Variants in SLC44A3 observed in about 807,000 individuals in gnomAD.
SLC44A3 encodes the protein solute carrier family 44 member 3, also known as choline transporter-like protein 3.
In SLC44A3, 74 loss-of-function variants were observed where a neutral mutation model predicts 75.4. The observed-to-expected ratio is 0.98, with a 90% CI of 0.81 to 1.19. SLC44A3 has a LOEUF of 1.19. SLC44A3 is among the 50% of genes most tolerant of loss of function. The probability of loss-of-function intolerance (pLI) is 0.00; values close to 1 mark genes in which losing one functional copy is unlikely to be tolerated. For synonymous variants in SLC44A3, 310 were observed against 296.9 expected, an observed-to-expected ratio of 1.04 and a Z score of -0.45; for missense variants, 700 against 778.6, an observed-to-expected ratio of 0.90 and a Z score of 1.20.
At chr1:94,875,812 C>T (rs538448792) in intron 12 of SLC44A3, among the ~76,000 whole-genome samples, 1 of 152,314 alleles carries the variant, frequency 6.6e-6, no homozygotes, top group South Asian at 2.1e-4. Context: ...TTTCATAAGT[C>T]TGAACTCCAT....
At chr1:94,820,661 G>T in intron 1 of SLC44A3, 183 bp downstream of exon 1, 1 of 1,381,316 alleles carries the variant, frequency 7.2e-7, no homozygotes, top group Non-Finnish European at 9.3e-7. Flanking sequence ...GTGCTGGGGC[G>T]GAGGCGGGGG....
In SLC44A3 at chr1:94,823,107, A is replaced by G. The variant is rs372151724; in HGVS notation, c.136-1386A>G. 3.3e-5 allele frequency among the ~76,000 whole-genome samples: 5 copies of G among 152,288 alleles called. 1 individual carries two copies. The highest frequency in any genetic ancestry group is 1.2e-4 in the African/African-American group (5 of 41,560). On this transcript the variant is annotated intron_variant, in intron 2 of 14. Coordinates refer to ENST00000271227, the MANE Select transcript of SLC44A3 (RefSeq NM_001114106.3). ...CCAGAAAAACTTTCCATTCTTCACC[A>G]CAGGCTTTCCAAAGGAAAGAATGAT... is the stretch of plus-strand genomic sequence containing the variant.
intron 5 of SLC44A3, among the ~76,000 whole-genome samples, chr1:94,833,732 G>T (rs930243748): frequency 6.6e-6 from 1 of 152,006 alleles, no homozygotes; most frequent in African/African-American, 2.4e-5. Flanking sequence ...AGGAAAATGG[G>T]GATGGAGTCA....
intron 9 of SLC44A3, among the ~76,000 whole-genome samples, chr1:94,852,251 G>T (rs1475954468): frequency 1.3e-5 from 2 of 152,154 alleles, no homozygotes; most frequent in African/African-American, 2.4e-5. Flanking sequence ...GTTGATAAGT[G>T]GCATGGAGAA....
intron 12 of SLC44A3, among the ~76,000 whole-genome samples, chr1:94,889,693 C>T (rs2101670469): frequency 2.0e-5 from 3 of 152,304 alleles, no homozygotes; most frequent in Middle Eastern, 6.8e-3. Flanking sequence ...CCCAGCTACA[C>T]ACATGCACGT....
At chr1:94,827,086 T>C (rs577812687) in intron 3 of SLC44A3, among the ~76,000 whole-genome samples, 1 of 152,342 alleles carries the variant, frequency 6.6e-6, no homozygotes, top group African/African-American at 2.4e-5. Flanking sequence ...TTTCCACTTC[T>C]CACTTCCCTG....
At chr1:94,862,568 G>A (rs1158630514) in intron 10 of SLC44A3, among the ~76,000 whole-genome samples, 1 of 152,190 alleles carries the variant, frequency 6.6e-6, no homozygotes, top group Non-Finnish European at 1.5e-5. Flanking sequence ...GTTGTTCTGG[G>A]AGCCAGGCAC....
chr1:94,873,036 C>T (rs1008312932), intron 12 of SLC44A3, among the ~76,000 whole-genome samples: 6 of 152,182 alleles, frequency 3.9e-5, no homozygotes, highest in Admixed American at 3.9e-4. Flanking sequence ...CTACTTACAG[C>T]GATCCTGCCA....
intron 5 of SLC44A3, among the ~76,000 whole-genome samples, chr1:94,834,487 CT>C (rs1662524481): frequency 6.6e-6 from 1 of 151,938 alleles, no homozygotes; most frequent in Admixed American, 6.6e-5. Flanking sequence ...GGGATAAATC[CT>C]TTTTTTCTTT....
chr1:94,820,968 C>G lies in SLC44A3; in HGVS notation c.47C>G (p.Pro16Arg), dbSNP rs1160010875. 1 of 1,551,356 alleles carries G rather than the reference C, an allele frequency of 6.4e-7. No individual in the cohort carries two copies. Reference sequence around the variant, plus strand: ...TGGAAGGTTTCTGCAGAAGGAGCCCCTAGGCAAAGGGAGTGGCGACCCCAG... The same window carrying G: ...TGGAAGGTTTCTGCAGAAGGAGCCCGTAGGCAAAGGGAGTGGCGACCCCAG... ...AEYLVSAEGA[P>R]RQREWRPQIY... Residue 16 changes from proline to arginine, a missense_variant, in exon 2 of 15, where the codon CCT (proline) becomes CGT (arginine). Coordinates refer to ENST00000271227, the MANE Select transcript of SLC44A3 (RefSeq NM_001114106.3).
intron 2 of SLC44A3, among the ~76,000 whole-genome samples, chr1:94,822,905 G>T (rs1660813139): frequency 1.3e-5 from 2 of 152,280 alleles, no homozygotes; most frequent in South Asian, 4.1e-4. Flanking sequence ...AAGGTTTATA[G>T]TAGTAGTTTC....
rs184509625 is a variant in SLC44A3 at position 94,892,026 on chromosome 1, T to G, written c.1621-255T>G. The stretch of plus-strand genomic sequence containing the variant: ...AAAAGCTTGTGAGATATTATTACAT[T>G]TATATAAATACAAAAGCTAGGCACA... On this transcript the variant is annotated intron_variant, in intron 13 of 14. Transcript: ENST00000271227. Among the ~76,000 whole-genome samples the G allele has an allele frequency of 1.2e-3, 189 of 152,330 alleles. 1 individual carries two copies. Among genetic ancestry groups the G allele is most frequent in the Admixed American group, 2.2e-3 (33 of 15,300 alleles).
chr1:94,887,816 G>A (rs113404491), intron 12 of SLC44A3, among the ~76,000 whole-genome samples: 2 of 152,128 alleles, frequency 1.3e-5, no homozygotes, highest in Non-Finnish European at 2.9e-5. Flanking sequence ...GCTGTAAGAC[G>A]ATGCTGGGGG....
intron 12 of SLC44A3, among the ~76,000 whole-genome samples, chr1:94,881,957 T>C (rs1342419221): frequency 2.0e-5 from 3 of 151,526 alleles, no homozygotes; most frequent in Admixed American, 2.0e-4. Flanking sequence ...GAGGTGGAGG[T>C]TGCAGTGAGC....
chr1:94,860,474 A>C (rs2101341628), intron 10 of SLC44A3, among the ~76,000 whole-genome samples: 1 of 152,322 alleles, frequency 6.6e-6, no homozygotes, highest in East Asian at 1.9e-4. Context: ...AAATTAACAA[A>C]GAAAATTTGC....
intron 5 of SLC44A3, among the ~76,000 whole-genome samples, chr1:94,830,848 G>A (rs1326862149): frequency 6.6e-6 from 1 of 152,150 alleles, no homozygotes; most frequent in Non-Finnish European, 1.5e-5. Flanking sequence ...CTTATATCTT[G>A]ATACTTATGA....
Position 94,895,197 on chromosome 1 carries a change from G to A in SLC44A3, c.*275G>A. 1 of 289,576 alleles carries A rather than the reference G, an allele frequency of 3.5e-6. No homozygotes were observed. The highest frequency in any genetic ancestry group is 6.5e-6 in the Non-Finnish European group (1 of 154,186). 17.9% of individuals were successfully genotyped at this position (289,576 alleles called of 1,614,324 possible). On this transcript the variant is annotated 3_prime_UTR_variant, in exon 15 of 15. Coordinates refer to ENST00000271227, the MANE Select transcript of SLC44A3 (RefSeq NM_001114106.3). ...ACAAAGTACACTATGTAAGAACTGA[G>A]GTAAGTTTGTAAGTGCACAACTAAT...
At position 94,870,288 on chromosome 1, in the gene SLC44A3, TGGTGATACAGA is replaced by T. The variant is rs1227870301; in HGVS notation, c.1482+2884_1482+2894del. 6.6e-4 allele frequency among the ~76,000 whole-genome samples: 100 copies of T among 152,346 alleles called. 1 individual carries two copies. Among genetic ancestry groups the T allele is most frequent in the South Asian group, 2.1e-4 (1 of 4,834 alleles). ...CTGGGCATAATAGGGACCAGGACCATGGTGATACAGAGGTGATACAGAGTCATTACTGTATA... is the reference window on the plus strand; with the variant it reads ...CTGGGCATAATAGGGACCAGGACCATGGTGATACAGAGTCATTACTGTATA... On this transcript the variant is annotated intron_variant, in intron 12 of 14. Transcript: ENST00000271227.
At chr1:94,833,260 G>A (rs1291601440) in intron 5 of SLC44A3, among the ~76,000 whole-genome samples, 3 of 152,184 alleles carry the variant, frequency 2.0e-5, no homozygotes, top group Non-Finnish European at 2.9e-5. Flanking sequence ...CTCTGGGCTT[G>A]GGAGATGTCC....
Sources: gnomAD v4.1 joint callset for allele counts (sites outside exome capture counted in the v4.1 genomes callset) on GRCh38, gnomAD v4.1.1 for gene constraint, MANE v1.5 for transcripts, NCBI Gene and HGNC (gene_info 2026-07-23, HGNC 2026-07-21) for gene names.